Variants in PTPRD observed in about 807,000 individuals in gnomAD.
PTPRD encodes the protein receptor-type tyrosine-protein phosphatase delta.
In PTPRD, 34 loss-of-function variants were observed where a neutral mutation model predicts 214.5. The observed-to-expected ratio is 0.16, with a 90% CI of 0.12 to 0.21. PTPRD has a LOEUF of 0.21. PTPRD is among the 10% of genes least tolerant of loss of function. The pLI is 1.00. For missense variants in PTPRD, 2,545 were observed against 2,398.7 expected (o/e 1.06, Z -1.27); for synonymous variants, 1,128 against 845.7 (o/e 1.33, Z -5.79).
At chr9:8,789,719 A>C (rs554051394) in intron 11 of PTPRD, among the ~76,000 whole-genome samples, 1 of 152,228 alleles carries the variant, frequency 6.6e-6, no homozygotes, top group African/African-American at 2.4e-5. Flanking sequence ...ATCTTTAAAA[A>C]AAACCAGAAT....
intron 7 of PTPRD, among the ~76,000 whole-genome samples, chr9:9,612,717 A>T (rs1306204386): frequency 6.6e-6 from 1 of 152,150 alleles, no homozygotes; most frequent in Non-Finnish European, 1.5e-5. Context: ...TTGAGAGCCA[A>T]AAGAAAAAAA....
chr9:8,800,222 T>C (rs1033761487), intron 11 of PTPRD, among the ~76,000 whole-genome samples: 1 of 152,152 alleles, frequency 6.6e-6, no homozygotes, highest in African/African-American at 2.4e-5. Flanking sequence ...TTCATTTTTT[T>C]GGCTTTTTTT....
At chr9:9,066,798 C>A (rs1198667546) in intron 10 of PTPRD, among the ~76,000 whole-genome samples, 1 of 152,226 alleles carries the variant, frequency 6.6e-6, no homozygotes, top group Non-Finnish European at 1.5e-5. Context: ...GGCTTTCTCG[C>A]AGAACTTTGC....
chr9:10,520,116 T>C (rs1185605042), intron 2 of PTPRD, among the ~76,000 whole-genome samples: 1 of 152,182 alleles, frequency 6.6e-6, no homozygotes, highest in African/African-American at 2.4e-5. Context: ...GAGGAAAGCA[T>C]GTCAAAAGCC....
intron 2 of PTPRD, among the ~76,000 whole-genome samples, chr9:10,497,210 C>G (rs1230028636): frequency 6.6e-6 from 1 of 151,946 alleles, no homozygotes; most frequent in Admixed American, 6.6e-5. Flanking sequence ...TGCTCACCAC[C>G]TGAGTGATGA....
At chr9:8,908,887 A>G (rs1358189905) in intron 11 of PTPRD, among the ~76,000 whole-genome samples, 1 of 151,180 alleles carries the variant, frequency 6.6e-6, no homozygotes, top group Non-Finnish European at 1.5e-5. Context: ...AAGAAGACCT[A>G]TCATTATTAA....
At chr9:10,158,668 C>T (rs1392779004) in intron 3 of PTPRD, among the ~76,000 whole-genome samples, 2 of 152,070 alleles carry the variant, frequency 1.3e-5, no homozygotes, top group Non-Finnish European at 2.9e-5. Context: ...GGTAAAAGAA[C>T]CAAATATTCA....
At chr9:9,566,844 C>T (rs374986426) in intron 8 of PTPRD, among the ~76,000 whole-genome samples, 1 of 151,958 alleles carries the variant, frequency 6.6e-6, no homozygotes, top group African/African-American at 2.4e-5. Flanking sequence ...GAAAGAAATG[C>T]TCCGAACATT....
intron 2 of PTPRD, among the ~76,000 whole-genome samples, chr9:10,364,137 C>A (rs543354629): frequency 6.6e-6 from 1 of 151,306 alleles, no homozygotes. Context: ...GTAGCTGGGA[C>A]TACAGGCGCC....
intron 6 of PTPRD, among the ~76,000 whole-genome samples, chr9:9,760,695 A>G (rs1053188215): frequency 4.0e-5 from 6 of 151,354 alleles, no homozygotes; most frequent in African/African-American, 1.5e-4. Context: ...GTGTACTCAA[A>G]ACTCAGCAGT....
chr9:8,934,784 C>A (rs2098985223), intron 11 of PTPRD, among the ~76,000 whole-genome samples: 1 of 151,548 alleles, frequency 6.6e-6, no homozygotes, highest in Admixed American at 6.6e-5. Context: ...CACTCTCTAG[C>A]CCCTGGCAAC....
intron 7 of PTPRD, among the ~76,000 whole-genome samples, chr9:9,693,730 T>TCAAAA (rs2097317651): frequency 6.6e-6 from 1 of 152,216 alleles, no homozygotes; most frequent in Non-Finnish European, 1.5e-5. Flanking sequence ...ACTCTTAGAC[T>TCAAAA]TACCCTTTTG....
chr9:9,960,464 G>A (rs1046386431), intron 4 of PTPRD, among the ~76,000 whole-genome samples: 4 of 152,076 alleles, frequency 2.6e-5, no homozygotes, highest in Admixed American at 6.6e-5. Context: ...GTATGGAAAG[G>A]GGGGACAGGA....
intron 10 of PTPRD, among the ~76,000 whole-genome samples, chr9:9,044,445 T>C (rs1590391125): frequency 1.3e-5 from 2 of 152,234 alleles, no homozygotes; most frequent in East Asian, 3.8e-4. Flanking sequence ...AACTCAGTAA[T>C]ATGAGATTCC....
chr9:8,664,829 G>C, intron 12 of PTPRD, among the ~76,000 whole-genome samples: 1 of 152,100 alleles, frequency 6.6e-6, no homozygotes, highest in Admixed American at 6.5e-5. Context: ...GCAATCTCTT[G>C]AGTCCCATGG....
intron 14 of PTPRD, among the ~76,000 whole-genome samples, chr9:8,535,870 G>A (rs995727744): frequency 1.3e-5 from 2 of 151,866 alleles, no homozygotes; most frequent in African/African-American, 4.8e-5. Context: ...GAAATCTCTC[G>A]ATGAGATTTG....
rs202081273 is a variant in PTPRD at position 9,916,097 on chromosome 9, A to C, written c.-368+22410T>G. Among the ~76,000 whole-genome samples, 48 of 134,230 alleles carry C rather than the reference A, an allele frequency of 3.6e-4. No individual in the cohort carries two copies. In the South Asian group the frequency reaches 4.6e-3, roughly 13 times the overall value. 88.1% of individuals were successfully genotyped at this position (134,230 alleles called of 152,430 possible). A position where few individuals can be genotyped will look rare whatever the true frequency, so the allele number is the denominator to read the frequency against. The stretch of plus-strand genomic sequence containing the variant: ...ACTAAAATTAAAAAAAAAAAAACAA[A>C]AAACTGTCAGCTACAAATACTATAT... On this transcript the variant is annotated intron_variant, in intron 5 of 45. Coordinates refer to ENST00000381196, the MANE Select transcript of PTPRD (RefSeq NM_002839.4).
At chr9:9,729,217 T>C (rs1220365292) in intron 7 of PTPRD, among the ~76,000 whole-genome samples, 2 of 152,124 alleles carry the variant, frequency 1.3e-5, no homozygotes, top group South Asian at 4.1e-4. Context: ...TCAGATAAGT[T>C]AGCTGTGAAA....
chr9:8,561,394 T>C (rs1320763980), intron 14 of PTPRD, among the ~76,000 whole-genome samples: 1 of 152,110 alleles, frequency 6.6e-6, no homozygotes, highest in Admixed American at 6.6e-5. Flanking sequence ...ATAAAATTCT[T>C]CTCTGCCCAT....
Sources: gnomAD v4.1 joint callset for allele counts (sites outside exome capture counted in the v4.1 genomes callset) on GRCh38, gnomAD v4.1.1 for gene constraint, MANE v1.5 for transcripts, NCBI Gene and HGNC (gene_info 2026-07-23, HGNC 2026-07-21) for gene names.